Variants in UNKL observed in about 807,000 individuals in gnomAD.
UNKL encodes putative E3 ubiquitin-protein ligase UNKL.
Under a neutral mutation model 78.0 loss-of-function variants are expected in UNKL, and 60 were observed. The observed-to-expected ratio is 0.77, with a 90% CI of 0.63 to 0.95. UNKL has a LOEUF of 0.95. Among genes scored for constraint, UNKL ranks in the 40% least tolerant of loss-of-function variants. The probability of loss-of-function intolerance (pLI) is 0.00; values close to 1 mark genes in which losing one functional copy is unlikely to be tolerated. For missense variants in UNKL, 1,159 were observed against 1,045.7 expected (o/e 1.11, Z -1.49); for synonymous variants, 608 against 474.8 (o/e 1.28, Z -3.65).
rs1027267213 is a variant in UNKL at position 1,403,518 on chromosome 16, T to C, written c.288-174A>G. ...ACTGGACGCAGCACCTGTCCCCAAA[T>C]GTGGAACCGCCCAGGTACACAGACC... On this transcript the variant is annotated intron_variant, in intron 2 of 14. Transcript: ENST00000389221. This position sits in a 1 kb window ranked among gnomAD's most constrained non-coding sequence, Gnocchi z 4.8. 6.6e-6 allele frequency among the ~76,000 whole-genome samples: 1 copy of C among 152,058 alleles called. No homozygotes were observed. The highest frequency in any genetic ancestry group is 1.5e-5 in the Non-Finnish European group (1 of 68,020).
At chr16:1,368,772 G>A (rs2035528179) in intron 12 of UNKL, among the ~76,000 whole-genome samples, 1 of 151,948 alleles carries the variant, frequency 6.6e-6, no homozygotes, top group African/African-American at 2.4e-5. Context: ...GTGGTAGCAG[G>A]TACCTGTGAT....
At chr16:1,384,027 G>C (rs1790574886) in intron 10 of UNKL, 2 of 192,074 alleles carry the variant, frequency 1.0e-5, no homozygotes, top group South Asian at 8.3e-5. Flanking sequence ...CCCAGGGACA[G>C]AGAACTTGGA....
intron 2 of UNKL, among the ~76,000 whole-genome samples, chr16:1,413,199 C>T (rs1005307827): frequency 1.6e-4 from 23 of 142,134 alleles, no homozygotes; most frequent in Non-Finnish European, 2.7e-4. Context: ...GAGCCGTATC[C>T]TATCATTGCA....
intron 8 of UNKL, among the ~76,000 whole-genome samples, chr16:1,392,367 G>A (rs1596725476): frequency 6.6e-6 from 1 of 152,090 alleles, no homozygotes; most frequent in East Asian, 1.9e-4. Context: ...CAACCTCACT[G>A]AAGTTGCTCT....
chr16:1,396,793 C>G (rs1301523653), intron 6 of UNKL, among the ~76,000 whole-genome samples: 1 of 151,856 alleles, frequency 6.6e-6, no homozygotes, highest in Non-Finnish European at 1.5e-5. Context: ...CGGGGTTTTG[C>G]CAGGATGGTC....
At chr16:1,380,794 C>T (rs73487865) in intron 10 of UNKL, among the ~76,000 whole-genome samples, 4,779 of 151,810 alleles carry the variant, frequency 0.031, 248 homozygotes, top group African/African-American at 0.11. Flanking sequence ...CGTGCCTCAA[C>T]CACCTGAGTA....
At chr16:1,412,812 C>A (rs560781798) in intron 2 of UNKL, among the ~76,000 whole-genome samples, 1 of 152,280 alleles carries the variant, frequency 6.6e-6, no homozygotes, top group East Asian at 1.9e-4. Context: ...AATCCCAGTA[C>A]TTTGGGAGGC....
chr16:1,383,025 C>G lies in UNKL; in HGVS notation c.1264+2183G>C, dbSNP rs570089599. On this transcript the variant is annotated intron_variant, in intron 10 of 14. Coordinates refer to ENST00000389221, the MANE Select transcript of UNKL (RefSeq NM_001372107.1). Reference sequence around the variant, plus strand: ...CTGCAACCCCAGCACTTTGGGAGGCCCAGGCGGGCAGATCACGAGGTCAGG... The same window carrying G: ...CTGCAACCCCAGCACTTTGGGAGGCGCAGGCGGGCAGATCACGAGGTCAGG... Among the ~76,000 whole-genome samples, 223 of 151,094 alleles carry G rather than the reference C, an allele frequency of 1.5e-3. 1 individual carries two copies. Among genetic ancestry groups the G allele is most frequent in the Non-Finnish European group, 2.5e-3 (168 of 67,832 alleles).
chr16:1,397,154 G>A (rs1053768857), intron 6 of UNKL, 24 bp downstream of exon 6: 40 of 1,543,896 alleles, frequency 2.6e-5, no homozygotes, highest in Middle Eastern at 4.2e-4. Flanking sequence ...CGACCCCTAC[G>A]CCTGGGGGGT....
chr16:1,394,295 G>A (rs1025735299), intron 6 of UNKL, 80 bp from the exon 7 acceptor site: 2 of 1,482,610 alleles, frequency 1.3e-6, no homozygotes, highest in Non-Finnish European at 1.8e-6. Context: ...CATCCCAAGG[G>A]AGAGGATTAA....
chr16:1,385,420 C>T (rs763798821), intron 9 of UNKL, 35 bp from the exon 10 acceptor site: 38 of 1,298,980 alleles, frequency 2.9e-5, no homozygotes, highest in Admixed American at 4.1e-5. Context: ...AGCGCGCACC[C>T]CCTGCGTGGA....
rs551060323 is a variant in UNKL, at chr16:1,378,635, G to C, written c.1264+6573C>G. ...AACTACGGCTCGCACTCAACTCAGAGGGCGTCAGCCACCACCTACCTCAGC... is the reference window on the plus strand; with the variant it reads ...AACTACGGCTCGCACTCAACTCAGACGGCGTCAGCCACCACCTACCTCAGC... On this transcript the variant is annotated intron_variant, in intron 10 of 14. Transcript: ENST00000389221. Among the ~76,000 whole-genome samples the C allele has an allele frequency of 3.3e-5, 5 of 152,290 alleles. No homozygotes were observed. In the East Asian group the frequency reaches 7.7e-4, roughly 24 times the overall value.
At chr16:1,394,022 C>A in intron 7 of UNKL, 109 bp downstream of exon 7, 1 of 1,162,402 alleles carries the variant, frequency 8.6e-7, no homozygotes, top group Non-Finnish European at 1.2e-6. Context: ...GAGCTCCTGC[C>A]CGCCTTCCAG....
At chr16:1,411,473 A>G (rs1232946630) in intron 2 of UNKL, among the ~76,000 whole-genome samples, 1 of 152,190 alleles carries the variant, frequency 6.6e-6, no homozygotes. Flanking sequence ...TTCAAGTTGC[A>G]GTGAGCCGTG....
Position 1,401,522 on chromosome 16 carries a change from T to C in UNKL, c.598+46A>G, listed in dbSNP as rs1328960874. ...AGTGGCCCGAGCTGTTCTCGCGCTG[T>C]GCCCGCCCCCCCCACCACCGCCCTC... On this transcript the variant is annotated intron_variant, in intron 4 of 14. Coordinates refer to ENST00000389221, the MANE Select transcript of UNKL (RefSeq NM_001372107.1). 8 of 1,467,608 alleles carry C rather than the reference T, an allele frequency of 5.5e-6. No homozygotes were observed. In the African/African-American group the frequency reaches 1.0e-4, roughly 19 times the overall value. The allele number at this position is 1,467,608 out of a possible 1,614,324, so 90.9% of individuals were successfully genotyped here.
chr16:1,411,229 G>C (rs56224131), intron 2 of UNKL, among the ~76,000 whole-genome samples: 2 of 152,092 alleles, frequency 1.3e-5, no homozygotes, highest in African/African-American at 4.8e-5. Flanking sequence ...GCGTGGTGTA[G>C]AGAGTCTATA....
chr16:1,403,876 G>A lies in UNKL; in HGVS notation c.288-532C>T, dbSNP rs949172343. Among the ~76,000 whole-genome samples the A allele has an allele frequency of 2.9e-4, 44 of 152,232 alleles. No homozygotes were observed. The highest frequency in any genetic ancestry group is 1.0e-3 in the African/African-American group (43 of 41,558). On this transcript the variant is annotated intron_variant, in intron 2 of 14. Coordinates refer to ENST00000389221, the MANE Select transcript of UNKL (RefSeq NM_001372107.1). The surrounding 1 kb of genome is among the most constrained non-coding windows in gnomAD (Gnocchi z 4.8). The stretch of plus-strand genomic sequence containing the variant: ...GGGGACACGAGGGGGATGGGCAGAA[G>A]AGGCGGCAGATGGCGTGGTGGGGAA...
chr16:1,400,604 G>T lies in UNKL; in HGVS notation c.598+964C>A, dbSNP rs373537958. 1.8e-4 allele frequency among the ~76,000 whole-genome samples: 27 copies of T among 152,206 alleles called. No homozygotes were observed. In the East Asian group the frequency reaches 1.9e-3, roughly 11 times the overall value. On this transcript the variant is annotated intron_variant, in intron 4 of 14. Transcript: ENST00000389221. ...GGATGGAATGTTCTGGAACTAGAGA[G>T]AGGTGGCAGCTGCACAACACTGCAG...
intron 10 of UNKL, among the ~76,000 whole-genome samples, chr16:1,375,258 G>A (rs1200956611): frequency 1.3e-5 from 2 of 152,224 alleles, no homozygotes; most frequent in East Asian, 1.9e-4. Flanking sequence ...ATCTGGCCGC[G>A]CTCAGCAGCC....
Sources: allele counts gnomAD v4.1 joint callset (sites outside exome capture counted in the v4.1 genomes callset), GRCh38; gene constraint gnomAD v4.1.1; non-coding constraint Gnocchi (gnomAD v3.1); transcripts MANE v1.5; gene names NCBI Gene and HGNC (gene_info 2026-07-23, HGNC 2026-07-21).